MORC1: variants seen among roughly 807,000 people sequenced by gnomAD.
The protein encoded by MORC1 is MORC family CW-type zinc finger protein 1.
A neutral mutation model predicts 134.9 loss-of-function variants in MORC1; 59 were observed. The observed-to-expected ratio is 0.44, with a 90% CI of 0.35 to 0.54. MORC1 has a LOEUF of 0.54. MORC1 is among the 20% of genes least tolerant of loss of function. The pLI is 0.00. For synonymous variants in MORC1, 395 were observed against 391.7 expected, an observed-to-expected ratio of 1.01 and a Z score of -0.10; for missense variants, 947 against 1,134.5, an observed-to-expected ratio of 0.83 and a Z score of 2.37.
intron 17 of MORC1, among the ~76,000 whole-genome samples, chr3:109,023,564 T>C (rs898033556): frequency 1.3e-5 from 2 of 152,176 alleles, no homozygotes; most frequent in African/African-American, 4.8e-5. Flanking sequence ...GGATTTTAGA[T>C]GGTACCATAA....
At chr3:109,032,149 C>A (rs1949255454) in intron 16 of MORC1, among the ~76,000 whole-genome samples, 1 of 152,064 alleles carries the variant, frequency 6.6e-6, no homozygotes, top group Non-Finnish European at 1.5e-5. Flanking sequence ...CATGGAAAAG[C>A]AATGCTTGAC....
intron 15 of MORC1, among the ~76,000 whole-genome samples, chr3:109,034,507 C>T (rs1433687158): frequency 1.3e-5 from 2 of 152,170 alleles, no homozygotes; most frequent in African/African-American, 4.8e-5. Flanking sequence ...CTTATCCTGA[C>T]ATTCAAGAAT....
At chr3:108,971,237 T>C in intron 25 of MORC1, 93 bp downstream of exon 25, 1 of 1,096,450 alleles carries the variant, frequency 9.1e-7, no homozygotes, top group Non-Finnish European at 1.4e-6. Flanking sequence ...TAAGCCACTC[T>C]AGGTCCTCTT....
chr3:109,027,883 A>G lies in MORC1; in HGVS notation c.1572T>C (p.His524=). ...NNPNRLENSC[H]QVECLPSIPL... is the part of the protein sequence containing the mutation. ...GGATGGAAGGTAGACATTCTACCTG[A>G]TGACAACTTCAGAATCAACAAGTAC... The change falls in exon 17 of 28, where the codon CAT becomes CAC. Residue 524 remains histidine, a synonymous_variant. Transcript: ENST00000232603. The G allele has an allele frequency of 6.2e-7, 1 of 1,613,294 alleles. No homozygotes were observed. The highest frequency in any genetic ancestry group is 8.5e-7 in the Non-Finnish European group (1 of 1,179,622).
Position 109,118,132 on chromosome 3 carries a change from C to A in MORC1, c.-73G>T, listed in dbSNP as rs540709192. On this transcript the variant is annotated 5_prime_UTR_variant, in exon 1 of 28. Transcript: ENST00000232603. Reference sequence around the variant, plus strand: ...CGGCAGCCGTTCGCCTGCGCCCGCGCCCACTCCCACGCCCACGCTCACGCG... The same window carrying A: ...CGGCAGCCGTTCGCCTGCGCCCGCGACCACTCCCACGCCCACGCTCACGCG... 1.3e-6 allele frequency: 2 copies of A among 1,533,538 alleles called. No individual in the cohort carries two copies. The highest frequency in any genetic ancestry group is 1.2e-5 in the South Asian group (1 of 84,256). 95.0% of individuals were successfully genotyped at this position (1,533,538 alleles called of 1,614,324 possible). A position where few individuals can be genotyped will look rare whatever the true frequency, so the allele number is the denominator to read the frequency against.
chr3:108,967,731 GTAATCCTAGCCACTTCAAGGCTAAGC>G, intron 26 of MORC1, among the ~76,000 whole-genome samples: 1 of 152,002 alleles, frequency 6.6e-6, no homozygotes, highest in East Asian at 1.9e-4. Flanking sequence ...GTACAAGCCT[GTAATCCTAGCCACTTCAAGGCTAAGC>G]CAGGAGGACT....
At chr3:109,013,402 C>G (rs1559892948) in intron 17 of MORC1, among the ~76,000 whole-genome samples, 1 of 152,140 alleles carries the variant, frequency 6.6e-6, no homozygotes, top group Non-Finnish European at 1.5e-5. Context: ...GCTTCTTTTC[C>G]TCTGATCTCT....
At chr3:109,117,961 C>A (rs1283332994) in intron 1 of MORC1, 34 bp downstream of exon 1, 4 of 1,537,584 alleles carry the variant, frequency 2.6e-6, no homozygotes, top group African/African-American at 1.4e-5. Flanking sequence ...GGCGCAGAGA[C>A]CCTCCCCGAC....
intron 14 of MORC1, among the ~76,000 whole-genome samples, chr3:109,041,478 G>A (rs1347817831): frequency 6.6e-6 from 1 of 151,918 alleles, no homozygotes; most frequent in Non-Finnish European, 1.5e-5. Context: ...TTGGGAGGCC[G>A]AGGTGGGCGG....
At chr3:109,040,427 G>GGAAGGAAGGAAAGAAAGAAAGAAA (rs1248788787) in intron 14 of MORC1, among the ~76,000 whole-genome samples, 5 of 48,390 alleles carry the variant, frequency 1.0e-4, no homozygotes, top group South Asian at 1.0e-3. Context: ...AAGGAAGGAA[G>GGAAGGAAGGAAAGAAAGAAAGAAA]GAAAGAAAGA....
Position 109,059,822 on chromosome 3 carries a change from G to C in MORC1, c.1015C>G (p.Leu339Val), listed in dbSNP as rs1214234578. 2.5e-6 allele frequency: 4 copies of C among 1,612,202 alleles called. No homozygotes were observed. The highest frequency in any genetic ancestry group is 1.7e-5 in the Admixed American group (1 of 59,826). The part of the protein sequence containing the change: ...LEDVEAKQKN[L>V]KEKQRELKTA... ...GTGTCTTACCTTTGTTTCTCTTTAA[G>C]ATTCTTTTGCTTTGCTTCTACATCT... Residue 339 changes from leucine (L) to valine (V), a missense_variant, in exon 12 of 28, where the codon CTT becomes GTT. Physicochemically the swap from Leu to Val is conservative, Grantham distance 32 (BLOSUM62 1). Around this residue, in one of 3 missense-constraint regions of MORC1, gnomAD observed 722 missense variants for 817.0 expected, o/e 0.88. Transcript: ENST00000232603.
chr3:108,965,518 T>C (rs982569133), intron 26 of MORC1, among the ~76,000 whole-genome samples: 10 of 152,156 alleles, frequency 6.6e-5, no homozygotes, highest in Admixed American at 1.3e-4. Context: ...TGAGTGGATA[T>C]GACTATAAAA....
At chr3:109,091,674 T>C (rs1042158638) in intron 8 of MORC1, among the ~76,000 whole-genome samples, 2 of 152,084 alleles carry the variant, frequency 1.3e-5, no homozygotes, top group Non-Finnish European at 2.9e-5. Flanking sequence ...CCATGAAATA[T>C]ATCGCGTCCT....
rs190958665 is a variant in MORC1 at position 109,098,684 on chromosome 3, G to A, written c.423+674C>T. 1.8e-3 allele frequency among the ~76,000 whole-genome samples: 272 copies of A among 152,252 alleles called. 1 individual carries two copies. Among genetic ancestry groups the A allele is most frequent in the Non-Finnish European group, 2.4e-3 (161 of 68,018 alleles). ...AACAGTAGCCACACAGACTCATTGAGGAGCATTCTTTTTAAATACCCTCAC... is the reference window on the plus strand; with the variant it reads ...AACAGTAGCCACACAGACTCATTGAAGAGCATTCTTTTTAAATACCCTCAC... On this transcript the variant is annotated intron_variant, in intron 6 of 27. Coordinates refer to ENST00000232603, the MANE Select transcript of MORC1 (RefSeq NM_014429.4).
chr3:108,967,711 A>T (rs1947261159), intron 26 of MORC1, among the ~76,000 whole-genome samples: 1 of 152,128 alleles, frequency 6.6e-6, no homozygotes. Context: ...TGAAATAGCC[A>T]GGTGTGGTGG....
intron 21 of MORC1, among the ~76,000 whole-genome samples, chr3:108,998,693 T>G (rs1948307355): frequency 1.3e-5 from 2 of 152,170 alleles, no homozygotes; most frequent in South Asian, 2.1e-4. Flanking sequence ...TGAGGAGCAA[T>G]TATTTCCTAC....
At chr3:109,044,607 C>T (rs115206166) in intron 14 of MORC1, among the ~76,000 whole-genome samples, 1 of 150,576 alleles carries the variant, frequency 6.6e-6, no homozygotes, top group African/African-American at 2.4e-5. Context: ...TTGCCAAAAA[C>T]CAGTAACTAC....
At chr3:109,084,767 A>C (rs960566246) in intron 8 of MORC1, among the ~76,000 whole-genome samples, 2 of 152,156 alleles carry the variant, frequency 1.3e-5, no homozygotes, top group African/African-American at 2.4e-5. Flanking sequence ...TATAGTAACC[A>C]AATCAGCATG....
At chr3:108,981,255 C>T (rs1331919296) in intron 23 of MORC1, among the ~76,000 whole-genome samples, 1 of 152,044 alleles carries the variant, frequency 6.6e-6, no homozygotes, top group East Asian at 1.9e-4. Flanking sequence ...AAGATCACAG[C>T]TCTAGAGAAT....
Sources: allele counts gnomAD v4.1 joint callset (sites outside exome capture counted in the v4.1 genomes callset), GRCh38; gene constraint gnomAD v4.1.1; regional missense constraint gnomAD v4.1.1; transcripts MANE v1.5; gene names NCBI Gene and HGNC (gene_info 2026-07-23, HGNC 2026-07-21).